The following CNTNAP2 variants were observed in gnomAD, a reference collection of about 807,000 sequenced individuals.
The protein encoded by CNTNAP2 is contactin-associated protein-like 2.
CNTNAP2 carries 98 observed loss-of-function variants against 155.2 expected under a neutral mutation model. The ratio of observed to expected loss-of-function variants is 0.63; its 90% CI spans 0.54 to 0.75. CNTNAP2 has a LOEUF of 0.75. Among genes scored for constraint, CNTNAP2 ranks in the 30% least tolerant of loss-of-function variants. CNTNAP2 has a pLI of 0.00. For missense variants in CNTNAP2, 1,727 were observed against 1,688.1 expected, an observed-to-expected ratio of 1.02 and a Z score of -0.40; for synonymous variants, 651 against 631.2, an observed-to-expected ratio of 1.03 and a Z score of -0.47.
intron 1 of CNTNAP2, among the ~76,000 whole-genome samples, chr7:146,359,583 T>G (rs1795052669): frequency 6.6e-6 from 1 of 152,242 alleles, no homozygotes; most frequent in Admixed American, 6.5e-5. Context: ...GATATAGGGC[T>G]TTATTTATTT....
chr7:146,925,512 T>A (rs746279034), intron 3 of CNTNAP2, among the ~76,000 whole-genome samples: 6 of 152,090 alleles, frequency 3.9e-5, no homozygotes, highest in Non-Finnish European at 8.8e-5. Context: ...AAATTGATCA[T>A]TTGTTAATTA....
intron 8 of CNTNAP2, among the ~76,000 whole-genome samples, chr7:147,266,637 CCTAT>C (rs1168773616): frequency 3.9e-5 from 6 of 152,062 alleles, no homozygotes; most frequent in Admixed American, 2.0e-4. Context: ...ATTTTAAAAC[CCTAT>C]CTATTATTGC....
At chr7:146,368,014 A>T (rs1231885778) in intron 1 of CNTNAP2, among the ~76,000 whole-genome samples, 1 of 152,106 alleles carries the variant, frequency 6.6e-6, no homozygotes, top group Non-Finnish European at 1.5e-5. Flanking sequence ...AAGGTTGAAC[A>T]TTCCACTTCA....
intron 1 of CNTNAP2, among the ~76,000 whole-genome samples, chr7:146,492,909 G>T (rs927480832): frequency 3.9e-5 from 6 of 152,018 alleles, no homozygotes; most frequent in African/African-American, 1.2e-4. Context: ...ATTTTTATTT[G>T]AAGTAGTCTA....
chr7:147,226,454 A>C (rs914761466), intron 8 of CNTNAP2, among the ~76,000 whole-genome samples: 2 of 152,120 alleles, frequency 1.3e-5, no homozygotes, highest in African/African-American at 4.8e-5. Context: ...CATGGCTTGG[A>C]AATATCATGG....
intron 12 of CNTNAP2, among the ~76,000 whole-genome samples, chr7:147,600,334 G>C (rs1013170121): frequency 3.3e-5 from 5 of 152,092 alleles, no homozygotes; most frequent in African/African-American, 4.8e-5. Context: ...AGAGCCAGAT[G>C]GTAAATAATA....
At chr7:147,363,753 T>C (rs1186363833) in intron 9 of CNTNAP2, among the ~76,000 whole-genome samples, 2 of 151,564 alleles carry the variant, frequency 1.3e-5, no homozygotes, top group Non-Finnish European at 2.9e-5. Context: ...TAGGGAAATA[T>C]ACAAAAAAAG....
At position 147,272,592 on chromosome 7, in the gene CNTNAP2, G is replaced by A. The variant is rs1160299806; in HGVS notation, c.1349-27549G>A. Among the ~76,000 whole-genome samples the A allele has an allele frequency of 7.9e-5, 12 of 152,010 alleles. No individual in the cohort carries two copies. In the East Asian group the frequency reaches 1.2e-3, roughly 15 times the overall value. On this transcript the variant is annotated intron_variant, in intron 8 of 23. Coordinates refer to ENST00000361727, the MANE Select transcript of CNTNAP2 (RefSeq NM_014141.6). Reference sequence around the variant, plus strand: ...CGGCTCACTGCAAGCTCCGCCTCCCGGGTTCACGCCATTCTCCTGCCTCAG... The same window carrying A: ...CGGCTCACTGCAAGCTCCGCCTCCCAGGTTCACGCCATTCTCCTGCCTCAG...
intron 8 of CNTNAP2, among the ~76,000 whole-genome samples, chr7:147,137,351 T>A (rs1406358796): frequency 6.6e-6 from 1 of 151,338 alleles, no homozygotes; most frequent in Non-Finnish European, 1.5e-5. Flanking sequence ...TCATTCCAAA[T>A]CAGAATGAAA....
chr7:147,036,553 TATA>T (rs1490396815), intron 3 of CNTNAP2, among the ~76,000 whole-genome samples: 2 of 152,206 alleles, frequency 1.3e-5, no homozygotes, highest in Non-Finnish European at 2.9e-5. Flanking sequence ...CTATCTTAAT[TATA>T]ATAATAAACC....
At chr7:147,757,079 C>T (rs1158629939) in intron 13 of CNTNAP2, among the ~76,000 whole-genome samples, 1 of 152,136 alleles carries the variant, frequency 6.6e-6, no homozygotes, top group African/African-American at 2.4e-5. Context: ...TGTCACCCTA[C>T]CTGTTTTTAA....
At chr7:148,333,868 C>T (rs1407049804) in intron 21 of CNTNAP2, among the ~76,000 whole-genome samples, 1 of 151,740 alleles carries the variant, frequency 6.6e-6, no homozygotes, top group Non-Finnish European at 1.5e-5. Context: ...GGATGTTCTA[C>T]AAGTGAGGAC....
intron 9 of CNTNAP2, among the ~76,000 whole-genome samples, chr7:147,363,166 G>C (rs1309375264): frequency 1.3e-5 from 2 of 152,082 alleles, no homozygotes; most frequent in African/African-American, 4.8e-5. Context: ...ATGAGAGTGT[G>C]GTCCTCATGA....
chr7:146,550,330 A>T (rs1798095930), intron 1 of CNTNAP2, among the ~76,000 whole-genome samples: 1 of 151,288 alleles, frequency 6.6e-6, no homozygotes, highest in South Asian at 2.1e-4. Flanking sequence ...AGAGCTTTTA[A>T]AATATAGATC....
intron 13 of CNTNAP2, among the ~76,000 whole-genome samples, chr7:147,789,131 TC>T (rs1797782249): frequency 6.6e-6 from 1 of 151,990 alleles, no homozygotes; most frequent in African/African-American, 2.4e-5. Context: ...GGTCTCAAAC[TC>T]CTGACCTCAA....
intron 21 of CNTNAP2, among the ~76,000 whole-genome samples, chr7:148,321,559 C>T (rs1286987368): frequency 1.3e-5 from 2 of 152,140 alleles, no homozygotes; most frequent in African/African-American, 4.8e-5. Flanking sequence ...TTAAAGGAAG[C>T]AATACATATA....
intron 1 of CNTNAP2, among the ~76,000 whole-genome samples, chr7:146,721,264 C>CTATATATTCTATATATATTCTA (rs1275873213): frequency 6.4e-5 from 8 of 124,732 alleles, no homozygotes; most frequent in African/African-American, 1.9e-4. Flanking sequence ...TATATACTCT[C>CTATATATTCTATATATATTCTA]TATATATTCT....
intron 10 of CNTNAP2, among the ~76,000 whole-genome samples, chr7:147,419,757 T>C (rs1025644614): frequency 1.3e-5 from 2 of 152,176 alleles, no homozygotes; most frequent in African/African-American, 4.8e-5. Context: ...GCATCAAATT[T>C]GAAAATAATT....
intron 1 of CNTNAP2, among the ~76,000 whole-genome samples, chr7:146,146,706 A>G (rs1797962653): frequency 6.6e-6 from 1 of 152,124 alleles, no homozygotes; most frequent in Non-Finnish European, 1.5e-5. Context: ...TGGTTCATCA[A>G]ATTTCGGGGG....
Sources: allele counts gnomAD v4.1 joint callset (sites outside exome capture counted in the v4.1 genomes callset), GRCh38; gene constraint gnomAD v4.1.1; transcripts MANE v1.5; gene names NCBI Gene and HGNC (gene_info 2026-07-23, HGNC 2026-07-21).